PPP1R16A: variants seen among roughly 807,000 people sequenced by gnomAD.
The protein encoded by PPP1R16A is protein phosphatase 1 regulatory subunit 16A, also known as myosin phosphatase-targeting subunit 3.
In PPP1R16A, 39 loss-of-function variants were observed where a neutral mutation model predicts 46.6. The ratio of observed to expected loss-of-function variants is 0.84; its 90% CI spans 0.65 to 1.09. PPP1R16A has a LOEUF of 1.09. PPP1R16A is among the 50% of genes least tolerant of loss of function. The probability of loss-of-function intolerance (pLI) is 0.00; values close to 1 mark genes in which losing one functional copy is unlikely to be tolerated. For missense variants in PPP1R16A, 798 were observed against 735.6 expected (o/e 1.08, Z -0.98); for synonymous variants, 413 against 321.5 (o/e 1.28, Z -3.04).
chr8:144,478,786 G>A (rs1012007871), intron 1 of PPP1R16A: 3 of 152,238 alleles, frequency 2.0e-5, no homozygotes, highest in African/African-American at 7.2e-5. Context: ...TACTAACTAA[G>A]CAAGCACCCC....
Position 144,498,786 on chromosome 8 carries a change from G to A in PPP1R16A, c.276G>A (p.Gly92=). 1 of 1,592,170 alleles carries A rather than the reference G, an allele frequency of 6.3e-7. No homozygotes were observed. The highest frequency in any genetic ancestry group is 8.6e-7 in the Non-Finnish European group (1 of 1,163,828). The change falls in exon 4 of 12, where the codon GGG becomes GGA. Residue 92 remains glycine, a synonymous_variant. Transcript: ENST00000435887. ...NDLEEVRQFL[G]SGVSPDLANE... Reference sequence around the variant, plus strand: ...TTTTTGCAGTCCGCCAGTTCCTTGGGAGTGGGGTCAGCCCTGACTTGGCCA... The same window carrying A: ...TTTTTGCAGTCCGCCAGTTCCTTGGAAGTGGGGTCAGCCCTGACTTGGCCA...
At chr8:144,484,408 G>GA (rs1825560752) in intron 1 of PPP1R16A, among the ~76,000 whole-genome samples, 3 of 152,324 alleles carry the variant, frequency 2.0e-5, no homozygotes, top group Admixed American at 6.5e-5. Flanking sequence ...GCTGCTTGTG[G>GA]CCCTGGCTTC....
In PPP1R16A at chr8:144,501,175, C is replaced by G; in HGVS notation, c.1084C>G (p.Arg362Gly). ...VSLTQRTDLY[R>G]KQHAQEAIVW... ...CCTAACCCAGCGCACCGACCTGTAC[C>G]GCAAGCAGCACGCCCAGGAGGCCAT... Residue 362 changes from arginine to glycine, a missense_variant, in exon 11 of 12, where the codon CGC (arginine) becomes GGC (glycine). By Grantham distance (125) the Arg-to-Gly change is moderately radical (BLOSUM62 -2). Transcript: ENST00000435887. 1 of 1,610,710 alleles carries G rather than the reference C, an allele frequency of 6.2e-7. No homozygotes were observed. The highest frequency in any genetic ancestry group is 8.5e-7 in the Non-Finnish European group (1 of 1,179,682).
chr8:144,497,968 TCTC>T (rs778490591), intron 3 of PPP1R16A: 29 of 447,814 alleles, frequency 6.5e-5, no homozygotes, highest in Admixed American at 1.2e-4. Flanking sequence ...GTGACTCTCT[TCTC>T]CTCACCTGTG....
In PPP1R16A at chr8:144,501,649, C is replaced by T. The variant is rs778435733; in HGVS notation, c.1333C>T (p.His445Tyr). ...QLSPLDSTTP[H>Y]TLVHDKAHHT... ...GAGCCCCCTGGACAGCACCACCCCC[C>T]ACACCCTGGTCCACGACAAGGCCCA... is the stretch of plus-strand genomic sequence containing the variant. The change falls in exon 12 of 12, where the codon CAC becomes TAC. Residue 445 changes from histidine (H) to tyrosine (Y), a missense_variant. Transcript: ENST00000435887. The T allele has an allele frequency of 5.6e-6, 9 of 1,610,956 alleles. No individual in the cohort carries two copies. Among genetic ancestry groups the T allele is most frequent in the Middle Eastern group, 1.6e-4 (1 of 6,080 alleles).
intron 8 of PPP1R16A, 30 bp from the exon 9 acceptor site, chr8:144,500,656 C>T (rs1216986970): frequency 1.2e-6 from 2 of 1,607,058 alleles, no homozygotes; most frequent in South Asian, 1.1e-5. Context: ...TCCAGCGCAG[C>T]AGTCTGCAGC....
chr8:144,501,429 T>C, intron 11 of PPP1R16A, 91 bp from the exon 12 acceptor site: 1 of 1,480,078 alleles, frequency 6.8e-7, no homozygotes, highest in African/African-American at 1.4e-5. Context: ...CCATCTCTCC[T>C]GTCTGTCCCT....
At chr8:144,499,845 C>T in intron 5 of PPP1R16A, 4 of 504,208 alleles carry the variant, frequency 7.9e-6, no homozygotes, top group Non-Finnish European at 1.4e-5. Flanking sequence ...TATGGGGGCA[C>T]CGCTGCCCCT....
At position 144,498,507 on chromosome 8, in the gene PPP1R16A, G is replaced by A. The variant is rs1213079588; in HGVS notation, c.260-263G>A. The A allele has an allele frequency of 2.4e-5, 12 of 502,018 alleles. No individual in the cohort carries two copies. The East Asian group carries it at 3.5e-4, about 15-fold the overall frequency. The allele number at this position is 502,018 out of a possible 1,614,324, so 31.1% of individuals were successfully genotyped here. On this transcript the variant is annotated intron_variant, in intron 3 of 11. Coordinates refer to ENST00000435887, the MANE Select transcript of PPP1R16A (RefSeq NM_001329443.2). Reference sequence around the variant, plus strand: ...GTTGGAGTGCTGCTCTCACACAGGAGCACGGCCTGTTCTGGGGGTCGGAGG... The same window carrying A: ...GTTGGAGTGCTGCTCTCACACAGGAACACGGCCTGTTCTGGGGGTCGGAGG...
Position 144,493,848 on chromosome 8 carries a change from G to A in PPP1R16A, c.-734-2613G>A, listed in dbSNP as rs750637747. Among the ~76,000 whole-genome samples the A allele has an allele frequency of 5.6e-4, 85 of 152,132 alleles. 1 individual carries two copies. The highest frequency in any genetic ancestry group is 1.8e-3 in the Admixed American group (27 of 15,284). ...AGCTTCCAGCTAGGAAGGTGGGCCT[G>A]CTAGGGTGGGGCCAAGTGCCCTGTG... On this transcript the variant is annotated intron_variant, in intron 2 of 11. Coordinates refer to ENST00000435887, the MANE Select transcript of PPP1R16A (RefSeq NM_001329443.2). This position sits in a 1 kb window ranked among gnomAD's most constrained non-coding sequence, Gnocchi z 4.3.
In PPP1R16A at chr8:144,500,768, T is replaced by A. The variant is rs772794949; in HGVS notation, c.907+7T>A. 18 of 1,610,726 alleles carry A rather than the reference T, an allele frequency of 1.1e-5. No individual in the cohort carries two copies. In the African/African-American group the frequency reaches 2.4e-4, roughly 22 times the overall value. ...ATGGACGAGACGCCCCTTGGTGAGC[T>A]TGCGGGGCCCACCTCCACCTGGGGG... On this transcript the variant is annotated splice_region_variant and intron_variant, in intron 9 of 11. Transcript: ENST00000435887.
intron 2 of PPP1R16A, among the ~76,000 whole-genome samples, chr8:144,495,155 G>A (rs1825996875): frequency 1.3e-5 from 2 of 152,198 alleles, no homozygotes; most frequent in African/African-American, 2.4e-5. Flanking sequence ...TCTGAGGCTA[G>A]GCCTACAGGG....
At chr8:144,478,569 A>G (rs1825269977) in intron 1 of PPP1R16A, 1 of 159,230 alleles carries the variant, frequency 6.3e-6, no homozygotes, top group South Asian at 2.0e-4. Context: ...CAGCTCCGGA[A>G]TTGTCTTCAT....
At position 144,493,310 on chromosome 8, in the gene PPP1R16A, CTGTT is replaced by C. The variant is rs1276969463; in HGVS notation, c.-735+3101_-735+3104del. The stretch of plus-strand genomic sequence containing the variant: ...AACTGGAATGAACCGACCCGGGAAT[CTGTT>C]TGACATTCCAAGGAGGTTTGGGGGA... On this transcript the variant is annotated intron_variant, in intron 2 of 11. Transcript: ENST00000435887. This position sits in a 1 kb window ranked among gnomAD's most constrained non-coding sequence, Gnocchi z 4.3. Among the ~76,000 whole-genome samples the C allele has an allele frequency of 1.3e-5, 2 of 152,146 alleles. No homozygotes were observed. Among genetic ancestry groups the C allele is most frequent in the Non-Finnish European group, 2.9e-5 (2 of 67,992 alleles).
intron 3 of PPP1R16A, 192 bp from the exon 4 acceptor site, chr8:144,498,578 G>A (rs1826220645): frequency 3.5e-6 from 2 of 574,080 alleles, no homozygotes; most frequent in African/African-American, 1.9e-5. Context: ...GGAGGCAGAG[G>A]GCTTCTGGGA....
At chr8:144,480,427 G>T (rs570692258) in intron 1 of PPP1R16A, among the ~76,000 whole-genome samples, 2 of 152,118 alleles carry the variant, frequency 1.3e-5, no homozygotes, top group South Asian at 2.1e-4. Flanking sequence ...TGATTTTCCT[G>T]CCTCAGCCTC....
intron 1 of PPP1R16A, among the ~76,000 whole-genome samples, chr8:144,479,464 C>T (rs1447563658): frequency 6.6e-6 from 1 of 152,186 alleles, no homozygotes; most frequent in Non-Finnish European, 1.5e-5. Flanking sequence ...TTGGCCTGTC[C>T]TGGCCTCATC....
rs1246954522 is a variant in PPP1R16A, at chr8:144,500,990, AGGCCCCGCCCCGGGCTT to A, written c.1037+28_1037+44del. The A allele has an allele frequency of 1.4e-6, 2 of 1,432,436 alleles. No individual in the cohort carries two copies. The allele number at this position is 1,432,436 out of a possible 1,614,324, so 88.7% of individuals were successfully genotyped here. A position where few individuals can be genotyped will look rare whatever the true frequency, so the allele number is the denominator to read the frequency against. ...GCCGCGGGTGAGCGCCGCCCCCAGC[AGGCCCCGCCCCGGGCTT>A]GGCCCCGCGGACGTCAGCCCCGGGC... On this transcript the variant is annotated intron_variant, in intron 10 of 11. Coordinates refer to ENST00000435887, the MANE Select transcript of PPP1R16A (RefSeq NM_001329443.2).
Position 144,497,352 on chromosome 8 carries a change from G to C in PPP1R16A, c.158G>C (p.Arg53Pro). 2 of 1,612,784 alleles carry C rather than the reference G, an allele frequency of 1.2e-6. No individual in the cohort carries two copies. The highest frequency in any genetic ancestry group is 1.7e-6 in the Non-Finnish European group (2 of 1,179,926). ...EAQGKKGPGE[R>P]PRKEAASQGL... is the part of the protein sequence containing the mutation. Reference sequence around the variant, plus strand: ...CAGGGCAAGAAGGGTCCTGGGGAGCGTCCCCGGAAGGAGGCAGCCAGCCAA... The same window carrying C: ...CAGGGCAAGAAGGGTCCTGGGGAGCCTCCCCGGAAGGAGGCAGCCAGCCAA... Residue 53 changes from arginine (R) to proline (P), a missense_variant, in exon 3 of 12, where the codon CGT becomes CCT. Transcript: ENST00000435887.
Sources: gnomAD v4.1 joint callset for allele counts (sites outside exome capture counted in the v4.1 genomes callset) on GRCh38, gnomAD v4.1.1 for gene constraint, Gnocchi (gnomAD v3.1) non-coding constraint, MANE v1.5 for transcripts, NCBI Gene and HGNC (gene_info 2026-07-23, HGNC 2026-07-21) for gene names.